The following SLC44A5 variants were observed in gnomAD, a reference collection of about 807,000 sequenced individuals.
SLC44A5 encodes solute carrier family 44 member 5.
SLC44A5 carries 57 observed loss-of-function variants against 101.8 expected under a neutral mutation model. That is an observed-to-expected ratio of 0.56 (90% CI 0.45 to 0.70). The LOEUF (loss-of-function observed/expected upper bound fraction) is 0.70. Ranked by LOEUF, SLC44A5 falls within the 30% of genes least tolerant of loss-of-function variation. The pLI is 0.00. For missense variants in SLC44A5, 737 were observed against 853.1 expected (o/e 0.86, Z 1.70); for synonymous variants, 281 against 290.9 (o/e 0.97, Z 0.35).
chr1:75,264,292 C>A (rs1650804695), intron 6 of SLC44A5, among the ~76,000 whole-genome samples: 1 of 152,180 alleles, frequency 6.6e-6, no homozygotes, highest in African/African-American at 2.4e-5. Context: ...GCTGCTCTCA[C>A]CAAGGCCAAA....
rs181947994 is a variant in SLC44A5, at chr1:75,392,162, T to C, written c.52+4421A>G. ...GGGAACCTGTCTCAAAAAAAAAAAT[T>C]GACAAGTGGGACCTAATTAAACTGA... On this transcript the variant is annotated intron_variant, in intron 3 of 23. Transcript: ENST00000370859. 2.0e-3 allele frequency among the ~76,000 whole-genome samples: 299 copies of C among 151,786 alleles called. 1 individual carries two copies. The highest frequency in any genetic ancestry group is 1.4e-3 in the Non-Finnish European group (98 of 67,888).
the SLC44A5 span, among the ~76,000 whole-genome samples, chr1:75,693,817 T>C: frequency 6.6e-6 from 1 of 152,078 alleles, no homozygotes; most frequent in Non-Finnish European, 1.5e-5. Flanking sequence ...AGTGATCAGC[T>C]ATGTCAAATT....
At chr1:75,463,944 C>T (rs1007901594) in intron 2 of SLC44A5, among the ~76,000 whole-genome samples, 12 of 151,864 alleles carry the variant, frequency 7.9e-5, no homozygotes, top group South Asian at 4.2e-4. Context: ...AACAAGAGGC[C>T]GGGCGCAGTG....
intron 9 of SLC44A5, among the ~76,000 whole-genome samples, chr1:75,240,126 A>T (rs554406118): frequency 5.3e-5 from 8 of 152,192 alleles, no homozygotes; most frequent in South Asian, 2.1e-4. Flanking sequence ...ATAAAATATT[A>T]AAAAAATTAG....
chr1:75,398,106 A>T (rs1570137869), intron 2 of SLC44A5, among the ~76,000 whole-genome samples: 1 of 152,184 alleles, frequency 6.6e-6, no homozygotes, highest in East Asian at 1.9e-4. Flanking sequence ...AAGATACAAT[A>T]CGGACTACCT....
chr1:75,416,066 G>A (rs143248616), intron 2 of SLC44A5, among the ~76,000 whole-genome samples: 4 of 152,276 alleles, frequency 2.6e-5, no homozygotes, highest in African/African-American at 7.2e-5. Flanking sequence ...AAGTAATGAG[G>A]AGCTGAATGT....
chr1:75,686,410 G>A, the SLC44A5 span, among the ~76,000 whole-genome samples: 1 of 152,330 alleles, frequency 6.6e-6, no homozygotes, highest in Non-Finnish European at 1.5e-5. Flanking sequence ...GATGAAGTGA[G>A]AGAATGAAAC....
chr1:75,284,778 TG>T (rs1266663532), intron 5 of SLC44A5, among the ~76,000 whole-genome samples: 3 of 152,174 alleles, frequency 2.0e-5, no homozygotes, highest in Non-Finnish European at 4.4e-5. Flanking sequence ...ATACAATTTT[TG>T]TTTTTAAATC....
At chr1:75,604,236 G>T (rs1414649571) in intron 1 of SLC44A5, among the ~76,000 whole-genome samples, 1 of 152,064 alleles carries the variant, frequency 6.6e-6, no homozygotes, top group Non-Finnish European at 1.5e-5. Flanking sequence ...CATATGGATA[G>T]CCAGTTATCC....
At chr1:75,646,449 C>A in the SLC44A5 span, among the ~76,000 whole-genome samples, 3 of 152,174 alleles carry the variant, frequency 2.0e-5, no homozygotes, top group African/African-American at 4.8e-5. Flanking sequence ...ACATGAGAAC[C>A]TTCAGAAATG....
At chr1:75,219,417 CA>C in intron 15 of SLC44A5, 73 bp from the exon 16 acceptor site, 1 of 991,730 alleles carries the variant, frequency 1.0e-6, no homozygotes, top group Non-Finnish European at 1.6e-6. Context: ...ACAATACTGA[CA>C]ACTCAAAAGT....
chr1:75,639,753 A>AT, the SLC44A5 span, among the ~76,000 whole-genome samples: 2 of 152,084 alleles, frequency 1.3e-5, no homozygotes, highest in African/African-American at 4.8e-5. Context: ...GACAAGTTAC[A>AT]GGTAACTGGG....
At chr1:75,284,492 G>A (rs541078374) in intron 5 of SLC44A5, among the ~76,000 whole-genome samples, 24 of 152,008 alleles carry the variant, frequency 1.6e-4, no homozygotes, top group Admixed American at 3.3e-4. Context: ...TGATTTGAAT[G>A]CCCTTTATTA....
At chr1:75,246,608 T>G (rs180671946) in intron 7 of SLC44A5, among the ~76,000 whole-genome samples, 1 of 152,000 alleles carries the variant, frequency 6.6e-6, no homozygotes, top group East Asian at 1.9e-4. Flanking sequence ...TAGTAGTAAA[T>G]AAGATGGTAT....
intron 4 of SLC44A5, among the ~76,000 whole-genome samples, chr1:75,337,224 AG>A (rs1448955690): frequency 5.9e-5 from 9 of 152,176 alleles, no homozygotes; most frequent in East Asian, 1.9e-4. Flanking sequence ...AAATGTGTAT[AG>A]TACCCCTTAC....
intron 5 of SLC44A5, among the ~76,000 whole-genome samples, chr1:75,280,146 ATTGTATATATTATATATT>A (rs1203265739): frequency 0.35 from 92 of 262 alleles, 12 homozygotes; most frequent in Middle Eastern, 1. Context: ...ATATATATAT[ATTGTATATATTATATATT>A]GTATATATAA....
At chr1:75,696,808 C>T in the SLC44A5 span, among the ~76,000 whole-genome samples, 982 of 151,618 alleles carry the variant, frequency 6.5e-3, 17 homozygotes, top group Admixed American at 0.037. Flanking sequence ...GAGGCTGAGG[C>T]AGCAGAATGG....
chr1:75,684,018 G>C, the SLC44A5 span, among the ~76,000 whole-genome samples: 3 of 152,102 alleles, frequency 2.0e-5, no homozygotes, highest in African/African-American at 4.8e-5. Flanking sequence ...AGGTTTAATA[G>C]ACTCAGTTCC....
chr1:75,418,029 C>A (rs887092376), intron 2 of SLC44A5, among the ~76,000 whole-genome samples: 5 of 152,202 alleles, frequency 3.3e-5, no homozygotes, highest in African/African-American at 1.2e-4. Flanking sequence ...TTGCCTTTTG[C>A]TTTTACCCCT....
Sources: gnomAD v4.1 joint callset for allele counts (sites outside exome capture counted in the v4.1 genomes callset) on GRCh38, gnomAD v4.1.1 for gene constraint, MANE v1.5 for transcripts, NCBI Gene and HGNC (gene_info 2026-07-23, HGNC 2026-07-21) for gene names.